Variants in KANSL1 observed in about 807,000 individuals in gnomAD.
KANSL1 encodes the protein MLL1/MLL complex subunit KANSL1.
KANSL1 carries 22 observed loss-of-function variants against 103.6 expected under a neutral mutation model. The ratio of observed to expected loss-of-function variants is 0.21; its 90% CI spans 0.15 to 0.30. The LOEUF (loss-of-function observed/expected upper bound fraction) is 0.30. Ranked by LOEUF, KANSL1 falls within the 10% of genes least tolerant of loss-of-function variation. The probability of loss-of-function intolerance (pLI) is 1.00; values close to 1 mark genes in which losing one functional copy is unlikely to be tolerated. For missense variants in KANSL1, 1,337 were observed against 1,399.8 expected, an observed-to-expected ratio of 0.96 and a Z score of 0.72; for synonymous variants, 600 against 527.6, an observed-to-expected ratio of 1.14 and a Z score of -1.88.
Position 46,031,337 on chromosome 17 carries a change from C to A in KANSL1, c.*139G>T. The stretch of plus-strand genomic sequence containing the variant: ...AAAATTAAAACAAGAAAAAAAAATA[C>A]CAAAGTAGGATCTAAATTCCTTAAG... On this transcript the variant is annotated 3_prime_UTR_variant, in exon 15 of 15. Transcript: ENST00000432791. The A allele has an allele frequency of 9.9e-6, 8 of 806,288 alleles. No homozygotes were observed. The highest frequency in any genetic ancestry group is 3.9e-5 in the South Asian group (2 of 50,808). The allele number at this position is 806,288 out of a possible 1,614,324, so 49.9% of individuals were successfully genotyped here.
At chr17:46,117,864 C>T (rs1430492728) in intron 2 of KANSL1, among the ~76,000 whole-genome samples, 1 of 151,992 alleles carries the variant, frequency 6.6e-6, no homozygotes, top group East Asian at 1.9e-4. Flanking sequence ...CAAATAAATA[C>T]AAAAGAAATA....
chr17:46,179,673 GC>G (rs1371396917), intron 1 of KANSL1, among the ~76,000 whole-genome samples: 4 of 152,192 alleles, frequency 2.6e-5, no homozygotes, highest in Non-Finnish European at 5.9e-5. Flanking sequence ...TATGCAAAAG[GC>G]TAGGACAAGA....
chr17:46,100,923 T>C (rs1389667042), intron 2 of KANSL1, among the ~76,000 whole-genome samples: 1 of 152,260 alleles, frequency 6.6e-6, no homozygotes, highest in African/African-American at 2.4e-5. Flanking sequence ...TTCCTTTTAA[T>C]GAAACAAAGG....
At chr17:46,038,177 C>A in intron 10 of KANSL1, 1 of 203,528 alleles carries the variant, frequency 4.9e-6, no homozygotes. Flanking sequence ...CTCTCTTGTT[C>A]ACTTCTTGGG....
At chr17:46,173,034 A>G (rs1426623817) in intron 1 of KANSL1, among the ~76,000 whole-genome samples, 1 of 152,350 alleles carries the variant, frequency 6.6e-6, no homozygotes, top group East Asian at 1.9e-4. Flanking sequence ...CTGCTCTGGC[A>G]AAGGTGACCA....
At chr17:46,148,280 T>C (rs993994819) in intron 2 of KANSL1, 1 of 152,260 alleles carries the variant, frequency 6.6e-6, no homozygotes, top group African/African-American at 2.4e-5. Context: ...TCTCATGATT[T>C]GAAGAGAACT....
At chr17:46,182,921 G>GA (rs1300020013) in intron 1 of KANSL1, among the ~76,000 whole-genome samples, 3 of 152,168 alleles carry the variant, frequency 2.0e-5, no homozygotes, top group Non-Finnish European at 4.4e-5. Flanking sequence ...GTCAGTCAAA[G>GA]AACACCAACT....
intron 3 of KANSL1, chr17:46,088,334 C>T (rs2079243157): frequency 1.3e-5 from 2 of 152,376 alleles, no homozygotes; most frequent in Non-Finnish European, 2.9e-5. Context: ...AGTGACCCCA[C>T]TGCAGACCAG....
chr17:46,068,970 A>C (rs62060802), intron 4 of KANSL1, among the ~76,000 whole-genome samples: 21,797 of 152,106 alleles, frequency 0.14, 2,130 homozygotes, highest in Non-Finnish European at 0.22. Context: ...ATCCCGCCCA[A>C]GCTGGAGTGC....
Position 46,050,663 on chromosome 17 carries a change from A to C in KANSL1, c.1890T>G (p.Asn630Lys). The C allele has an allele frequency of 6.2e-7, 1 of 1,614,128 alleles. No homozygotes were observed. The highest frequency in any genetic ancestry group is 8.5e-7 in the Non-Finnish European group (1 of 1,179,994). Residue 630 changes from asparagine (N) to lysine (K), a missense_variant, in exon 7 of 15, where the codon AAT becomes AAG. Transcript: ENST00000432791. ...CTGAACCACACAGTGCGCAGGAGGG[A>C]TTCACATCACAGCCAGGGCGGATTG... is the stretch of plus-strand genomic sequence containing the variant. The part of the protein sequence containing the change: ...NSTIRPGCDV[N>K]PSCALCGSGS...
At chr17:46,102,257 CT>C (rs372702592) in intron 2 of KANSL1, among the ~76,000 whole-genome samples, 1 of 150,158 alleles carries the variant, frequency 6.7e-6, no homozygotes, top group African/African-American at 2.4e-5. Flanking sequence ...AGAGCCAATA[CT>C]TTTTTTTTTG....
intron 2 of KANSL1, among the ~76,000 whole-genome samples, chr17:46,139,471 A>G (rs1179944487): frequency 6.6e-6 from 1 of 152,182 alleles, no homozygotes; most frequent in African/African-American, 2.4e-5. Context: ...CACCTGTGCC[A>G]CTACTCACCC....
At chr17:46,054,500 A>G (rs1304888640) in intron 6 of KANSL1, among the ~76,000 whole-genome samples, 1 of 152,202 alleles carries the variant, frequency 6.6e-6, no homozygotes, top group Non-Finnish European at 1.5e-5. Flanking sequence ...CTTCCAAATC[A>G]ATCAACACAG....
At chr17:46,039,495 G>T in intron 8 of KANSL1, 1 of 633,760 alleles carries the variant, frequency 1.6e-6, no homozygotes, top group Non-Finnish European at 2.6e-6. Context: ...TTTGGGTCTT[G>T]CTCCAAGATC....
chr17:46,118,669 G>C (rs2043147428), intron 2 of KANSL1, among the ~76,000 whole-genome samples: 1 of 152,206 alleles, frequency 6.6e-6, no homozygotes, highest in Non-Finnish European at 1.5e-5. Context: ...TGAAGCCAGA[G>C]AGAGGCCTAG....
intron 11 of KANSL1, 74 bp from the exon 12 acceptor site, chr17:46,033,534 C>A: frequency 8.1e-7 from 1 of 1,239,224 alleles, no homozygotes; most frequent in Non-Finnish European, 1.2e-6. Flanking sequence ...AGTGTCCATG[C>A]AAGGATGAGA....
chr17:46,122,515 G>A (rs2043326282), intron 2 of KANSL1, among the ~76,000 whole-genome samples: 1 of 152,154 alleles, frequency 6.6e-6, no homozygotes, highest in African/African-American at 2.4e-5. Context: ...AATAATGGGG[G>A]TGATCTCCTA....
intron 2 of KANSL1, among the ~76,000 whole-genome samples, chr17:46,096,828 A>G (rs188516322): frequency 0.029 from 4,343 of 151,598 alleles, 222 homozygotes; most frequent in African/African-American, 0.1. Context: ...TGTGTTAGCC[A>G]GGATGGTCTC....
rs535131861 is a variant in KANSL1 at position 46,082,540 on chromosome 17, C to A, written c.1434G>T (p.Gly478=). The stretch of plus-strand genomic sequence containing the variant: ...GAGGTACCTCCCCAAGAACTATCAA[C>A]CCCTGCAGGATAGAGAGGAGAAAAA... ...DIYKQIRANK[G]LIVLGEVPPP... The change falls in exon 4 of 15, where the codon GGG becomes GGT. Residue 478 remains glycine, a splice_region_variant and synonymous_variant. Transcript: ENST00000432791. The A allele has an allele frequency of 6.3e-7, 1 of 1,586,344 alleles. No homozygotes were observed. Among genetic ancestry groups the A allele is most frequent in the Non-Finnish European group, 8.7e-7 (1 of 1,155,844 alleles).
Sources: gnomAD v4.1 joint callset for allele counts (sites outside exome capture counted in the v4.1 genomes callset) on GRCh38, gnomAD v4.1.1 for gene constraint, MANE v1.5 for transcripts, NCBI Gene and HGNC (gene_info 2026-07-23, HGNC 2026-07-21) for gene names.